LRP2: variants seen among roughly 807,000 people sequenced by gnomAD.
LRP2 encodes the protein LDL receptor related protein 2.
LRP2 carries 172 observed loss-of-function variants against 531.0 expected under a neutral mutation model. The observed-to-expected ratio is 0.32, with a 90% confidence interval of 0.29 to 0.37. The LOEUF is 0.37. LRP2 is among the 10% of genes least tolerant of loss of function. LRP2 has a pLI of 1.00. For synonymous variants in LRP2, 1,992 were observed against 2,027.6 expected (o/e 0.98, Z 0.47); for missense variants, 5,167 against 5,868.3 (o/e 0.88, Z 3.90).
Position 169,275,197 on chromosome 2 carries a change from A to C in LRP2, c.1814T>G (p.Phe605Cys). The C allele has an allele frequency of 6.2e-7, 1 of 1,613,778 alleles. No individual in the cohort carries two copies. The highest frequency in any genetic ancestry group is 8.5e-7 in the Non-Finnish European group (1 of 1,179,804). The part of the protein sequence containing the change: ...VHGGSLIPHP[F>C]GVSLFEGQVF... ...CTGACCTTCAAATAAGCTTACTCCA[A>C]AGGGATGAGGAATGAGGGAGCCTCC... The change falls in exon 14 of 79, where the codon TTT becomes TGT. Residue 605 changes from phenylalanine (F) to cysteine (C), a missense_variant. Transcript: ENST00000649046.
At chr2:169,226,624 C>T in intron 31 of LRP2, 36 bp from the exon 32 acceptor site, 1 of 1,487,358 alleles carries the variant, frequency 6.7e-7, no homozygotes, top group Non-Finnish European at 9.4e-7. Flanking sequence ...AAAATCATAT[C>T]CCACTATTCC....
At chr2:169,308,521 C>T (rs1388632206) in intron 3 of LRP2, among the ~76,000 whole-genome samples, 4 of 152,126 alleles carry the variant, frequency 2.6e-5, no homozygotes. Flanking sequence ...TCGTTTCCAG[C>T]TTCATCCATG....
chr2:169,170,556 T>C lies in LRP2; in HGVS notation c.11375A>G (p.Asp3792Gly). 2 of 1,612,742 alleles carry C rather than the reference T, an allele frequency of 1.2e-6. No homozygotes were observed. Among genetic ancestry groups the C allele is most frequent in the South Asian group, 1.1e-5 (1 of 91,052 alleles). Reference protein sequence around the residue: ...NDCGDNSDERDCEMRTCHPEY... With the variant: ...NDCGDNSDERGCEMRTCHPEY... ...GCTTCTCAAATGACAGTTACCACAGTCCCGTTCATCTGAGTTGTCCCCACA... is the reference window on the plus strand; with the variant it reads ...GCTTCTCAAATGACAGTTACCACAGCCCCGTTCATCTGAGTTGTCCCCACA... Residue 3792 changes from aspartate (D) to glycine (G), a missense_variant, in exon 59 of 79, where the codon GAC becomes GGC. By Grantham distance (94) the Asp-to-Gly change is moderately conservative. Coordinates refer to ENST00000649046, the MANE Select transcript of LRP2 (RefSeq NM_004525.3).
chr2:169,144,337 T>C (rs1197118465), intron 70 of LRP2, among the ~76,000 whole-genome samples: 1 of 152,160 alleles, frequency 6.6e-6, no homozygotes, highest in Non-Finnish European at 1.5e-5. Flanking sequence ...TCAGAACTCT[T>C]GGTTCAAACA....
intron 1 of LRP2, among the ~76,000 whole-genome samples, chr2:169,327,163 G>A (rs1272550414): frequency 2.2e-5 from 3 of 136,882 alleles, no homozygotes; most frequent in East Asian, 2.3e-4. Flanking sequence ...CCGGCCAGCC[G>A]CCCCGTCCAG....
chr2:169,143,693 A>G (rs1251126181), intron 70 of LRP2, among the ~76,000 whole-genome samples: 2 of 152,204 alleles, frequency 1.3e-5, no homozygotes, highest in African/African-American at 4.8e-5. Context: ...GCCCATTCAC[A>G]GAGATTCAGA....
intron 34 of LRP2, 92 bp from the exon 35 acceptor site, chr2:169,216,522 A>T: frequency 8.1e-7 from 1 of 1,232,234 alleles, no homozygotes; most frequent in South Asian, 1.3e-5. Flanking sequence ...TGTCCTCAAG[A>T]TGCTCACAAT....
At position 169,275,391 on chromosome 2, in the gene LRP2, A is replaced by G. The variant is rs142342571; in HGVS notation, c.1773-153T>C. The G allele has an allele frequency of 2.6e-5, 17 of 666,598 alleles. No individual in the cohort carries two copies. The East Asian group carries it at 4.1e-4, about 16-fold the overall frequency. 41.3% of individuals were successfully genotyped at this position (666,598 alleles called of 1,614,324 possible). A position where few individuals can be genotyped will look rare whatever the true frequency, so the allele number is the denominator to read the frequency against. On this transcript the variant is annotated intron_variant, in intron 13 of 78. Transcript: ENST00000649046. The stretch of plus-strand genomic sequence containing the variant: ...GAAAAGATACATTTTAGATGTATAC[A>G]TATTTCCATCTACATATGATAGAAG...
intron 60 of LRP2, among the ~76,000 whole-genome samples, chr2:169,168,892 T>C (rs1373656553): frequency 2.6e-5 from 4 of 152,198 alleles, no homozygotes; most frequent in African/African-American, 4.8e-5. Context: ...GAATCATCCA[T>C]GGCATGGACA....
chr2:169,319,483 T>A (rs563107477), intron 2 of LRP2, among the ~76,000 whole-genome samples: 11 of 152,358 alleles, frequency 7.2e-5, no homozygotes, highest in Admixed American at 2.6e-4. Context: ...ATTGATATTG[T>A]TGTTATTGTT....
Position 169,204,048 on chromosome 2 carries a change from G to T in LRP2, c.7939C>A (p.Gln2647Lys). 1 of 1,614,116 alleles carries T rather than the reference G, an allele frequency of 6.2e-7. No individual in the cohort carries two copies. Among genetic ancestry groups the T allele is most frequent in the Non-Finnish European group, 8.5e-7 (1 of 1,179,964 alleles). Residue 2647 changes from glutamine to lysine, a missense_variant, in exon 42 of 79, where the codon CAG becomes AAG. Physicochemically the swap from Gln to Lys is moderately conservative, Grantham distance 53. Around this residue, in one of 6 missense-constraint regions of LRP2, gnomAD observed 1,129 missense variants for 1,362.7 expected, o/e 0.83. Coordinates refer to ENST00000649046, the MANE Select transcript of LRP2 (RefSeq NM_004525.3). Reference sequence around the variant, plus strand: ...CAAGGATTGTTACACTGTTGTTTCTGGTTCTTCACAACAGTGTTGATTCCC... The same window carrying T: ...CAAGGATTGTTACACTGTTGTTTCTTGTTCTTCACAACAGTGTTGATTCCC... ...PRGINTVVKN[Q>K]KQQCNNPCEQ... is the part of the protein sequence containing the mutation.
At chr2:169,188,619 A>G (rs1339077321) in intron 48 of LRP2, among the ~76,000 whole-genome samples, 6 of 152,264 alleles carry the variant, frequency 3.9e-5, no homozygotes, top group Non-Finnish European at 7.3e-5. Context: ...CTAATTAAAT[A>G]CAACTTTTGT....
At chr2:169,329,976 A>G (rs1192548337) in intron 1 of LRP2, among the ~76,000 whole-genome samples, 1 of 152,248 alleles carries the variant, frequency 6.6e-6, no homozygotes, top group African/African-American at 2.4e-5. Context: ...CCATAGGAGC[A>G]CAAACCCTGT....
chr2:169,331,021 G>A lies in LRP2; in HGVS notation c.80-10137C>T, dbSNP rs114174511. Among the ~76,000 whole-genome samples the A allele has an allele frequency of 4.4e-3, 667 of 152,270 alleles. 4 individuals are homozygous for A. The highest frequency in any genetic ancestry group is 0.015 in the African/African-American group (622 of 41,564). ...TGAACTCCCCTGGGAGAGTGATAAA[G>A]AATCTAATTTCCAGGAAGGCCTGTT... is the stretch of plus-strand genomic sequence containing the variant. On this transcript the variant is annotated intron_variant, in intron 1 of 78. Transcript: ENST00000649046.
rs1399329311 is a variant in LRP2 at position 169,361,988 on chromosome 2, G to C, written c.79+333C>G. ...CCGCTAGGGAGGGCAGGCTGCAAACGGCGGAGAACCTCGTTCTCCCGCAAA... is the reference window on the plus strand; with the variant it reads ...CCGCTAGGGAGGGCAGGCTGCAAACCGCGGAGAACCTCGTTCTCCCGCAAA... On this transcript the variant is annotated intron_variant, in intron 1 of 78. Coordinates refer to ENST00000649046, the MANE Select transcript of LRP2 (RefSeq NM_004525.3). Among the ~76,000 whole-genome samples, 4 of 152,246 alleles carry C rather than the reference G, an allele frequency of 2.6e-5. No homozygotes were observed. The East Asian group carries it at 7.7e-4, about 29-fold the overall frequency.
chr2:169,128,808 C>A lies in LRP2; in HGVS notation c.13823G>T (p.Ser4608Ile). The change falls in exon 79 of 79, where the codon AGT becomes ATT. Residue 4608 changes from serine to isoleucine, a missense_variant. This residue lies in a region of LRP2 where 348 missense variants were observed against 369.3 expected (regional missense o/e 0.94). Coordinates refer to ENST00000649046, the MANE Select transcript of LRP2 (RefSeq NM_004525.3). ...YAQMENEQKE[S>I]VAATPPPSPS... ...TGATGGAGGTGGTGTCGCAGCAACACTTTCCTTTTGCTCGTTCTCCATCTA... is the reference window on the plus strand; with the variant it reads ...TGATGGAGGTGGTGTCGCAGCAACAATTTCCTTTTGCTCGTTCTCCATCTA... 1 of 1,614,102 alleles carries A rather than the reference C, an allele frequency of 6.2e-7. No homozygotes were observed. Among genetic ancestry groups the A allele is most frequent in the Non-Finnish European group, 8.5e-7 (1 of 1,179,996 alleles).
Position 169,206,511 on chromosome 2 carries a change from C to G in LRP2, c.7209G>C (p.Leu2403Phe). 1 of 1,614,138 alleles carries G rather than the reference C, an allele frequency of 6.2e-7. No homozygotes were observed. Among genetic ancestry groups the G allele is most frequent in the Non-Finnish European group, 8.5e-7 (1 of 1,180,024 alleles). Residue 2403 changes from leucine to phenylalanine, a missense_variant, in exon 39 of 79, where the codon TTG becomes TTC. Coordinates refer to ENST00000649046, the MANE Select transcript of LRP2 (RefSeq NM_004525.3). Reference sequence around the variant, plus strand: ...AAGGTGGGCTATGGTTTTCAGGGTCCAAGTGTAAGCTTCTCAAGGAATTAG... The same window carrying G: ...AAGGTGGGCTATGGTTTTCAGGGTCGAAGTGTAAGCTTCTCAAGGAATTAG... The part of the protein sequence containing the change: ...ALSNSLRSLH[L>F]DPENHSPPFQ...
intron 13 of LRP2, 32 bp from the exon 14 acceptor site, chr2:169,275,270 T>C (rs748310360): frequency 1.5e-5 from 23 of 1,549,870 alleles, no homozygotes; most frequent in African/African-American, 4.1e-5. Context: ...TATCATACAA[T>C]TTGTTAGTTT....
chr2:169,164,917 G>A (rs1686729406), intron 62 of LRP2, among the ~76,000 whole-genome samples: 1 of 152,164 alleles, frequency 6.6e-6, no homozygotes, highest in African/African-American at 2.4e-5. Context: ...GGGGAAGGGG[G>A]AAATCTGCTC....
Sources: gnomAD v4.1 joint callset for allele counts (sites outside exome capture counted in the v4.1 genomes callset) on GRCh38, gnomAD v4.1.1 for gene constraint, gnomAD v4.1.1 regional missense constraint, MANE v1.5 for transcripts, NCBI Gene and HGNC (gene_info 2026-07-23, HGNC 2026-07-21) for gene names.